ZEB1: variants seen among roughly 807,000 people sequenced by gnomAD.
ZEB1 encodes zinc finger E-box binding homeobox 1, also known as zinc finger E-box-binding homeobox 1.
Under a neutral mutation model 84.9 loss-of-function variants are expected in ZEB1, and 21 were observed. That is an observed-to-expected ratio of 0.25 (90% CI 0.18 to 0.36). The LOEUF (loss-of-function observed/expected upper bound fraction) is 0.36, where lower values mean the gene tolerates loss of function less well. Ranked by LOEUF, ZEB1 falls within the 10% of genes least tolerant of loss-of-function variation. The pLI is 1.00. For missense variants in ZEB1, 1,104 were observed against 1,330.2 expected (o/e 0.83, Z 2.65); for synonymous variants, 420 against 471.1 (o/e 0.89, Z 1.41).
intron 1 of ZEB1, among the ~76,000 whole-genome samples, chr10:31,439,979 T>A (rs1055375947): frequency 3.9e-5 from 6 of 152,116 alleles, no homozygotes; most frequent in Non-Finnish European, 8.8e-5. Context: ...AAGACAAAGG[T>A]GGCAGCACGG....
chr10:31,436,250 C>G (rs963590736), intron 1 of ZEB1, among the ~76,000 whole-genome samples: 2 of 152,062 alleles, frequency 1.3e-5, no homozygotes, highest in African/African-American at 2.4e-5. Context: ...TTATGTATGT[C>G]CTTCATTTTC....
At chr10:31,500,282 A>C (rs533315793) in intron 3 of ZEB1, among the ~76,000 whole-genome samples, 154 of 152,272 alleles carry the variant, frequency 1.0e-3, no homozygotes, top group Non-Finnish European at 1.4e-3. Flanking sequence ...AGCTCTTCAG[A>C]AATGCTTTTT....
intron 1 of ZEB1, among the ~76,000 whole-genome samples, chr10:31,328,316 T>A (rs999260825): frequency 2.0e-5 from 3 of 152,248 alleles, no homozygotes; most frequent in Admixed American, 6.5e-5. Context: ...GGTTACTTAG[T>A]CTTTTTATGC....
intron 1 of ZEB1, among the ~76,000 whole-genome samples, chr10:31,419,348 A>C (rs2055756699): frequency 6.6e-6 from 1 of 152,174 alleles, no homozygotes; most frequent in African/African-American, 2.4e-5. Flanking sequence ...TGGACAGCCA[A>C]GTTAGGGATT....
chr10:31,327,262 C>T lies in ZEB1; in HGVS notation c.58+7970C>T, dbSNP rs570955757. 6.6e-5 allele frequency among the ~76,000 whole-genome samples: 10 copies of T among 151,994 alleles called. No individual in the cohort carries two copies. In the East Asian group the frequency reaches 1.5e-3, roughly 24 times the overall value. ...AGTAGCTGGGATTACAGGCACACAC[C>T]GCCATGCCTGGCTGATTTTTGTATT... On this transcript the variant is annotated intron_variant, in intron 1 of 8. Coordinates refer to ENST00000424869, the MANE Select transcript of ZEB1 (RefSeq NM_001174096.2).
intron 1 of ZEB1, among the ~76,000 whole-genome samples, chr10:31,368,476 A>G (rs1048098920): frequency 4.9e-5 from 7 of 143,482 alleles, no homozygotes; most frequent in African/African-American, 1.8e-4. Flanking sequence ...TATACGTTAA[A>G]TCATCTCTAG....
Position 31,520,348 on chromosome 10 carries a change from A to C in ZEB1, c.1016A>C (p.Gln339Pro). The change falls in exon 7 of 9, where the codon CAA (glutamine) becomes CCA (proline). Residue 339 changes from glutamine to proline, a missense_variant. Physicochemically the swap from Gln to Pro is moderately conservative, Grantham distance 76. Transcript: ENST00000424869. The surrounding 1 kb of genome is among the most constrained non-coding windows in gnomAD (Gnocchi z 5.1). ...CAAAAGATAGAGAATAAACCCCTTC[A>C]AGAACAACTTTCTGTTAACCAAATT... ...IRQKIENKPL[Q>P]EQLSVNQIKT... 2 of 1,613,944 alleles carry C rather than the reference A, an allele frequency of 1.2e-6. No homozygotes were observed. Among genetic ancestry groups the C allele is most frequent in the Non-Finnish European group, 8.5e-7 (1 of 1,179,910 alleles).
At chr10:31,332,114 C>G (rs915594068) in intron 1 of ZEB1, among the ~76,000 whole-genome samples, 19 of 152,086 alleles carry the variant, frequency 1.2e-4, no homozygotes, top group Non-Finnish European at 2.5e-4. Context: ...TTTTGCTTAT[C>G]TATTCTGATA....
chr10:31,349,402 A>C (rs2040903045), intron 1 of ZEB1, among the ~76,000 whole-genome samples: 1 of 152,122 alleles, frequency 6.6e-6, no homozygotes, highest in Non-Finnish European at 1.5e-5. Flanking sequence ...ATACCTCATC[A>C]ACACACTGAT....
chr10:31,367,976 CACAT>C lies in ZEB1; in HGVS notation c.58+48686_58+48689del, dbSNP rs949270182. 1.3e-3 allele frequency among the ~76,000 whole-genome samples: 194 copies of C among 151,966 alleles called. 1 individual carries two copies. Among genetic ancestry groups the C allele is most frequent in the African/African-American group, 4.3e-3 (177 of 41,434 alleles). ...TACTATATATATATATATACACACA[CACAT>C]AGACATACACACGTAGATGCATATA... is the stretch of plus-strand genomic sequence containing the variant. On this transcript the variant is annotated intron_variant, in intron 1 of 8. Coordinates refer to ENST00000424869, the MANE Select transcript of ZEB1 (RefSeq NM_001174096.2).
intron 1 of ZEB1, among the ~76,000 whole-genome samples, chr10:31,439,530 G>A (rs116907985): frequency 0.033 from 4,993 of 152,230 alleles, 114 homozygotes; most frequent in South Asian, 0.064. Context: ...TCTAGATGAG[G>A]GGAACAGTGG....
rs568054034 is a variant in ZEB1, at chr10:31,417,416, C to T, written c.59-43621C>T. 3.3e-5 allele frequency among the ~76,000 whole-genome samples: 5 copies of T among 152,202 alleles called. No homozygotes were observed. In the East Asian group the frequency reaches 7.7e-4, roughly 24 times the overall value. ...GTGTAGTCATCTGACTTGGATCATT[C>T]TTTTTATTCTGGATCCTGAGAGTAT... is the stretch of plus-strand genomic sequence containing the variant. On this transcript the variant is annotated intron_variant, in intron 1 of 8. Transcript: ENST00000424869.
Position 31,450,887 on chromosome 10 carries a change from T to TGTGTGTGTGTGC in ZEB1, c.59-10147_59-10146insTGTGTGTGCGTG, listed in dbSNP as rs1228560969. ...TTAGGACTGAGCGTGTGTGTGTGTG[T>TGTGTGTGTGTGC]GTGCGTGCGTGCGCATGTGTGCCTG... On this transcript the variant is annotated intron_variant, in intron 1 of 8. Coordinates refer to ENST00000424869, the MANE Select transcript of ZEB1 (RefSeq NM_001174096.2). Among the ~76,000 whole-genome samples the TGTGTGTGTGTGC allele has an allele frequency of 9.1e-4, 138 of 152,182 alleles. 2 individuals carry two copies. Among genetic ancestry groups the TGTGTGTGTGTGC allele is most frequent in the African/African-American group, 3.3e-3 (135 of 41,512 alleles).
chr10:31,361,247 C>T, intron 1 of ZEB1: 3 of 1,598,954 alleles, frequency 1.9e-6, no homozygotes, highest in Admixed American at 1.7e-5. Flanking sequence ...GGCTGGAGTG[C>T]AGTGGTGCGA....
At chr10:31,458,432 A>G (rs1193290213) in intron 1 of ZEB1, among the ~76,000 whole-genome samples, 1 of 151,788 alleles carries the variant, frequency 6.6e-6, no homozygotes, top group Non-Finnish European at 1.5e-5. Context: ...TTAAGCTTAT[A>G]GTCAGCTGTG....
intron 1 of ZEB1, among the ~76,000 whole-genome samples, chr10:31,432,322 C>T (rs1165833214): frequency 6.6e-6 from 1 of 152,176 alleles, no homozygotes; most frequent in East Asian, 1.9e-4. Flanking sequence ...GACATGGTGG[C>T]TCACACCTGT....
intron 1 of ZEB1, among the ~76,000 whole-genome samples, chr10:31,429,202 C>T (rs180763590): frequency 4.6e-4 from 70 of 152,216 alleles, no homozygotes; most frequent in African/African-American, 1.0e-3. Context: ...GATCTGGTAA[C>T]GGTCTTTCCT....
At chr10:31,392,324 A>G (rs2049893848) in intron 1 of ZEB1, among the ~76,000 whole-genome samples, 1 of 152,200 alleles carries the variant, frequency 6.6e-6, no homozygotes, top group South Asian at 2.1e-4. Context: ...TAGGTGAATA[A>G]TGTTATTTTT....
intron 1 of ZEB1, among the ~76,000 whole-genome samples, chr10:31,425,187 A>G (rs1335217220): frequency 6.6e-6 from 1 of 152,186 alleles, no homozygotes; most frequent in African/African-American, 2.4e-5. Flanking sequence ...TTTTAAATAC[A>G]AAGACCAGAA....
Sources: gnomAD v4.1 joint callset for allele counts (sites outside exome capture counted in the v4.1 genomes callset) on GRCh38, gnomAD v4.1.1 for gene constraint, Gnocchi (gnomAD v3.1) non-coding constraint, MANE v1.5 for transcripts, NCBI Gene and HGNC (gene_info 2026-07-23, HGNC 2026-07-21) for gene names.